GPD2: variants seen among roughly 807,000 people sequenced by gnomAD.
GPD2 encodes the protein glycerol-3-phosphate dehydrogenase 2.
In GPD2, 54 loss-of-function variants were observed where a neutral mutation model predicts 82.4. That is an observed-to-expected ratio of 0.66 (90% CI 0.53 to 0.82). The LOEUF is 0.82. Among genes scored for constraint, GPD2 ranks in the 40% least tolerant of loss-of-function variants. GPD2 has a pLI of 0.00. For synonymous variants in GPD2, 288 were observed against 306.1 expected, an observed-to-expected ratio of 0.94 and a Z score of 0.62; for missense variants, 748 against 896.2, an observed-to-expected ratio of 0.83 and a Z score of 2.11.
At chr2:156,518,173 T>C (rs1428543698) in intron 6 of GPD2, among the ~76,000 whole-genome samples, 1 of 152,184 alleles carries the variant, frequency 6.6e-6, no homozygotes, top group Non-Finnish European at 1.5e-5. Context: ...TACAAATAGA[T>C]GAATTCAGCT....
At chr2:156,432,048 G>A (rs1405448981), upstream of GPD2, among the ~76,000 whole-genome samples, 6 of 151,872 alleles carry the variant, frequency 4.0e-5, no homozygotes, top group Non-Finnish European at 5.9e-5. Context: ...CACCAGACCT[G>A]GCTAATTTTT....
At chr2:156,514,622 A>G (rs1685130275) in intron 6 of GPD2, among the ~76,000 whole-genome samples, 1 of 152,128 alleles carries the variant, frequency 6.6e-6, no homozygotes, top group Non-Finnish European at 1.5e-5. Flanking sequence ...ATATAAATGC[A>G]AAAAGTATAT....
chr2:156,569,360 T>C lies in GPD2; in HGVS notation c.1301-3T>C, dbSNP rs1452611643. The C allele has an allele frequency of 6.3e-7, 1 of 1,596,300 alleles. No homozygotes were observed. The highest frequency in any genetic ancestry group is 8.6e-7 in the Non-Finnish European group (1 of 1,163,988). ...GATGAATTGTCTATCAATTTCTTTA[T>C]AGGTGGAAAGTGGACAACTTATCGG... is the stretch of plus-strand genomic sequence containing the variant. On this transcript the variant is annotated splice_region_variant and splice_polypyrimidine_tract_variant and intron_variant, in intron 10 of 16. Coordinates refer to ENST00000438166, the MANE Select transcript of GPD2 (RefSeq NM_000408.5).
At chr2:156,535,546 A>G (rs1172390290) in intron 6 of GPD2, among the ~76,000 whole-genome samples, 2 of 151,790 alleles carry the variant, frequency 1.3e-5, no homozygotes, top group African/African-American at 4.8e-5. Flanking sequence ...TCCAGCATCT[A>G]CTACCCAGAT....
chr2:156,523,512 C>G (rs979852942), intron 6 of GPD2, among the ~76,000 whole-genome samples: 2 of 152,098 alleles, frequency 1.3e-5, no homozygotes, highest in African/African-American at 4.8e-5. Flanking sequence ...TGACCAAACA[C>G]TTATAAACTC....
intron 1 of GPD2, among the ~76,000 whole-genome samples, chr2:156,472,571 C>G (rs192970756): frequency 9.2e-5 from 14 of 152,298 alleles, no homozygotes; most frequent in African/African-American, 2.9e-4. Flanking sequence ...ATCTACCCAC[C>G]TCAGCCTCCC....
At chr2:156,428,292 C>T in the GPD2 span, among the ~76,000 whole-genome samples, 1 of 152,188 alleles carries the variant, frequency 6.6e-6, no homozygotes, top group Non-Finnish European at 1.5e-5. Context: ...AAAGGATACC[C>T]TATGTCCAGG....
At chr2:156,566,202 T>A (rs576392143) in intron 9 of GPD2, among the ~76,000 whole-genome samples, 1 of 152,258 alleles carries the variant, frequency 6.6e-6, no homozygotes, top group South Asian at 2.1e-4. Context: ...ATCTTGATTT[T>A]TAGATTATGG....
intron 9 of GPD2, among the ~76,000 whole-genome samples, chr2:156,558,765 C>CTTTTTTT (rs34524248): frequency 0.033 from 1,330 of 40,914 alleles, 246 homozygotes; most frequent in Non-Finnish European, 0.044. Flanking sequence ...GCCCAGCTAA[C>CTTTTTTT]TTTTTTTTTT....
Position 156,495,102 on chromosome 2 carries a change from T to G in GPD2, c.103-942T>G, listed in dbSNP as rs114949693. On this transcript the variant is annotated intron_variant, in intron 2 of 16. Coordinates refer to ENST00000438166, the MANE Select transcript of GPD2 (RefSeq NM_000408.5). ...GCTCATGCCTGTAATCTCAGCAGTTTGGAAGGCCGAGGCAGATGGATTGCT... is the reference window on the plus strand; with the variant it reads ...GCTCATGCCTGTAATCTCAGCAGTTGGGAAGGCCGAGGCAGATGGATTGCT... Among the ~76,000 whole-genome samples, 75 of 152,308 alleles carry G rather than the reference T, an allele frequency of 4.9e-4. 1 individual carries two copies. Among genetic ancestry groups the G allele is most frequent in the African/African-American group, 1.7e-3 (71 of 41,580 alleles).
intron 3 of GPD2, among the ~76,000 whole-genome samples, chr2:156,502,245 T>G (rs297590): frequency 0.7 from 105,736 of 151,422 alleles, 37,035 homozygotes; most frequent in Middle Eastern, 0.82. Flanking sequence ...TTTTAAAAAT[T>G]GGGTAGGAAA....
chr2:156,459,020 TA>T (rs1682886759), intron 1 of GPD2, among the ~76,000 whole-genome samples: 1 of 151,636 alleles, frequency 6.6e-6, no homozygotes, highest in Admixed American at 6.6e-5. Flanking sequence ...TATATATATA[TA>T]TATATACACA....
At chr2:156,576,743 CA>C (rs2105374500) in intron 13 of GPD2, among the ~76,000 whole-genome samples, 1 of 152,250 alleles carries the variant, frequency 6.6e-6, no homozygotes, top group South Asian at 2.1e-4. Flanking sequence ...TTTGAAATTC[CA>C]TAATTCCTTG....
intron 2 of GPD2, among the ~76,000 whole-genome samples, chr2:156,490,925 C>T (rs1398032349): frequency 2.0e-5 from 3 of 150,756 alleles, no homozygotes; most frequent in Non-Finnish European, 1.5e-5. Context: ...GTATAAAGTG[C>T]AGTAAAATTT....
At chr2:156,406,923 T>C in the GPD2 span, among the ~76,000 whole-genome samples, 1 of 152,200 alleles carries the variant, frequency 6.6e-6, no homozygotes, top group Non-Finnish European at 1.5e-5. Context: ...CATTGAAAAG[T>C]ATGCCTAGCC....
At chr2:156,519,957 C>T (rs1189524927) in intron 6 of GPD2, among the ~76,000 whole-genome samples, 2 of 152,198 alleles carry the variant, frequency 1.3e-5, no homozygotes, top group Non-Finnish European at 2.9e-5. Context: ...TTCTTGGTAC[C>T]CAGGTTCTTG....
chr2:156,491,801 T>G (rs1684184604), intron 2 of GPD2, among the ~76,000 whole-genome samples: 1 of 151,972 alleles, frequency 6.6e-6, no homozygotes, highest in Non-Finnish European at 1.5e-5. Context: ...GGCTGGTGGA[T>G]CACGAGGGCA....
At chr2:156,413,216 A>C in the GPD2 span, among the ~76,000 whole-genome samples, 1 of 151,714 alleles carries the variant, frequency 6.6e-6, no homozygotes, top group South Asian at 2.1e-4. Context: ...AAAAATGGCA[A>C]CTCTTTATTT....
intron 6 of GPD2, among the ~76,000 whole-genome samples, chr2:156,525,310 G>T (rs183878456): frequency 3.5e-4 from 53 of 152,266 alleles, no homozygotes; most frequent in South Asian, 6.2e-4. Context: ...CCCTGTCAGT[G>T]GTCTATGATG....
Sources: allele counts gnomAD v4.1 joint callset (sites outside exome capture counted in the v4.1 genomes callset), GRCh38; gene constraint gnomAD v4.1.1; transcripts MANE v1.5; gene names NCBI Gene and HGNC (gene_info 2026-07-23, HGNC 2026-07-21).